The following SGCD variants were observed in gnomAD, a reference collection of about 807,000 sequenced individuals.
SGCD encodes delta-sarcoglycan.
A neutral mutation model predicts 36.6 loss-of-function variants in SGCD; 18 were observed. That is an observed-to-expected ratio of 0.49 (90% confidence interval 0.34 to 0.73). SGCD has a LOEUF of 0.73. SGCD is among the 30% of genes least tolerant of loss of function. The pLI is 0.01. For missense variants in SGCD, 387 were observed against 346.7 expected (o/e 1.12, Z -0.92); for synonymous variants, 133 against 130.6 (o/e 1.02, Z -0.12).
chr5:156,344,160 C>T (rs1415704261), intron 2 of SGCD, among the ~76,000 whole-genome samples: 1 of 152,124 alleles, frequency 6.6e-6, no homozygotes, highest in Non-Finnish European at 1.5e-5. Flanking sequence ...TTTGGTAGAT[C>T]TTTGAGCATC....
chr5:156,416,182 A>C (rs2127773727), intron 3 of SGCD, among the ~76,000 whole-genome samples: 1 of 152,360 alleles, frequency 6.6e-6, no homozygotes, highest in East Asian at 1.9e-4. Context: ...AATACTACTC[A>C]GTTGTAAAAA....
the SGCD span, among the ~76,000 whole-genome samples, chr5:155,851,867 T>A: frequency 6.6e-6 from 1 of 152,212 alleles, no homozygotes; most frequent in Non-Finnish European, 1.5e-5. Context: ...GTTCCTGGGT[T>A]TGAACCCAGT....
At chr5:156,561,456 G>A (rs1420760757) in intron 4 of SGCD, among the ~76,000 whole-genome samples, 1 of 152,222 alleles carries the variant, frequency 6.6e-6, no homozygotes, top group Non-Finnish European at 1.5e-5. Flanking sequence ...TGAAATGTAT[G>A]CAACTTTGTG....
chr5:155,989,588 A>T (rs1247580332), intron 1 of SGCD, among the ~76,000 whole-genome samples: 1 of 152,158 alleles, frequency 6.6e-6, no homozygotes, highest in Non-Finnish European at 1.5e-5. Flanking sequence ...TACCAAGTGG[A>T]ATTTTAATGT....
At chr5:156,502,071 G>A (rs190870509) in intron 3 of SGCD, among the ~76,000 whole-genome samples, 18 of 150,512 alleles carry the variant, frequency 1.2e-4, no homozygotes, top group Non-Finnish European at 1.6e-4. Context: ...TTTTGGGACG[G>A]AGTCTTGCTC....
intron 4 of SGCD, among the ~76,000 whole-genome samples, chr5:156,509,535 A>AT (rs968656773): frequency 1.3e-5 from 2 of 152,224 alleles, no homozygotes; most frequent in Non-Finnish European, 2.9e-5. Flanking sequence ...ATGCAGTATC[A>AT]TTATCTAATT....
intron 7 of SGCD, among the ~76,000 whole-genome samples, chr5:156,746,020 G>T (rs1756923211): frequency 6.7e-6 from 1 of 148,824 alleles, no homozygotes; most frequent in South Asian, 2.1e-4. Flanking sequence ...CAAGTTTAAA[G>T]GGTAAAAAAA....
At chr5:156,599,625 G>A (rs966559831) in intron 6 of SGCD, among the ~76,000 whole-genome samples, 1 of 152,106 alleles carries the variant, frequency 6.6e-6, no homozygotes, top group Non-Finnish European at 1.5e-5. Context: ...GCACATTCAA[G>A]GGATCTTGAA....
intron 7 of SGCD, among the ~76,000 whole-genome samples, chr5:156,728,390 A>G (rs1025844219): frequency 2.0e-5 from 3 of 151,618 alleles, no homozygotes; most frequent in Admixed American, 2.0e-4. Context: ...CAATGCCTGT[A>G]ATCCCAGCTA....
At chr5:156,231,689 G>C (rs1196155212) in intron 3 of SGCD, among the ~76,000 whole-genome samples, 1 of 152,160 alleles carries the variant, frequency 6.6e-6, no homozygotes, top group East Asian at 1.9e-4. Context: ...AGAGCTATAG[G>C]ACAGGGTATT....
At chr5:156,674,483 A>AAAGCAGTTTCTAATGG (rs1753430536) in intron 7 of SGCD, among the ~76,000 whole-genome samples, 1 of 152,196 alleles carries the variant, frequency 6.6e-6, no homozygotes, top group African/African-American at 2.4e-5. Context: ...TTGATATAAG[A>AAAGCAGTTTCTAATGG]AAGCAGTTTC....
the SGCD span, among the ~76,000 whole-genome samples, chr5:155,737,241 T>A: frequency 1.3e-5 from 2 of 152,202 alleles, no homozygotes; most frequent in Admixed American, 1.3e-4. Flanking sequence ...ATAAATACAT[T>A]AAGGTATTTT....
intron 1 of SGCD, among the ~76,000 whole-genome samples, chr5:156,107,938 T>C (rs1421080386): frequency 6.6e-6 from 1 of 152,172 alleles, no homozygotes; most frequent in Non-Finnish European, 1.5e-5. Context: ...AGTTGCCTCT[T>C]GGTAGATGTA....
At chr5:155,994,682 C>T (rs1758503082) in intron 1 of SGCD, among the ~76,000 whole-genome samples, 1 of 152,108 alleles carries the variant, frequency 6.6e-6, no homozygotes, top group East Asian at 1.9e-4. Flanking sequence ...TCCTTGTATC[C>T]TCAAATAAAC....
Position 156,548,880 on chromosome 5 carries a change from C to T in SGCD, c.294+40178C>T, listed in dbSNP as rs896038412. 2.0e-5 allele frequency among the ~76,000 whole-genome samples: 3 copies of T among 152,146 alleles called. No homozygotes were observed. The South Asian group carries it at 6.2e-4, about 32-fold the overall frequency. On this transcript the variant is annotated intron_variant, in intron 4 of 8. Coordinates refer to ENST00000337851, the MANE Select transcript of SGCD (RefSeq NM_000337.6). ...TGCGGGAAGAGATGACTGCACAGAGCATCCTTGAGAACATTAAATAATGTT... is the reference window on the plus strand; with the variant it reads ...TGCGGGAAGAGATGACTGCACAGAGTATCCTTGAGAACATTAAATAATGTT...
intron 3 of SGCD, among the ~76,000 whole-genome samples, chr5:156,462,064 T>C (rs1754511025): frequency 6.6e-6 from 1 of 152,172 alleles, no homozygotes; most frequent in Non-Finnish European, 1.5e-5. Context: ...TGAAGTTCAA[T>C]TATATAATGA....
intron 7 of SGCD, among the ~76,000 whole-genome samples, chr5:156,730,000 T>G (rs1755974158): frequency 6.6e-6 from 1 of 152,132 alleles, no homozygotes; most frequent in South Asian, 2.1e-4. Flanking sequence ...AGTTAAAAAT[T>G]TTTCATTGTG....
chr5:156,125,612 G>A lies in SGCD; in HGVS notation c.-44+1593G>A, dbSNP rs561361016. 2.6e-5 allele frequency among the ~76,000 whole-genome samples: 4 copies of A among 151,962 alleles called. No individual in the cohort carries two copies. The South Asian group carries it at 6.2e-4, about 24-fold the overall frequency. Reference sequence around the variant, plus strand: ...AATAACTTTGTCTTTTTTTTACAAAGTAGATTAATTATTTTTCTCTTTTTG... The same window carrying A: ...AATAACTTTGTCTTTTTTTTACAAAATAGATTAATTATTTTTCTCTTTTTG... On this transcript the variant is annotated intron_variant, in intron 3 of 9. Coordinates refer to the SGCD transcript ENST00000517913.
At chr5:156,073,548 G>A (rs1390176091) in intron 1 of SGCD, among the ~76,000 whole-genome samples, 3 of 152,328 alleles carry the variant, frequency 2.0e-5, no homozygotes, top group African/African-American at 2.4e-5. Flanking sequence ...GGGTGACACA[G>A]TGAGACCCTG....
Sources: allele counts gnomAD v4.1 joint callset (sites outside exome capture counted in the v4.1 genomes callset), GRCh38; gene constraint gnomAD v4.1.1; transcripts MANE v1.5; gene names NCBI Gene and HGNC (gene_info 2026-07-23, HGNC 2026-07-21).